Variants in PDE1C observed in about 807,000 individuals in gnomAD.
PDE1C encodes dual specificity calcium/calmodulin-dependent 3',5'-cyclic nucleotide phosphodiesterase 1C.
Under a neutral mutation model 93.1 loss-of-function variants are expected in PDE1C, and 62 were observed. That is an observed-to-expected ratio of 0.67 (90% CI 0.54 to 0.82). The LOEUF (loss-of-function observed/expected upper bound fraction) is 0.82, where lower values mean the gene tolerates loss of function less well. PDE1C is among the 40% of genes least tolerant of loss of function. The pLI, the probability that PDE1C is intolerant of heterozygous loss-of-function variation, is 0.00. For synonymous variants in PDE1C, 325 were observed against 310.1 expected, an observed-to-expected ratio of 1.05 and a Z score of -0.50; for missense variants, 742 against 884.6, an observed-to-expected ratio of 0.84 and a Z score of 2.04.
rs559752133 is a variant in PDE1C at position 32,042,510 on chromosome 7, T to C, written c.128+9044A>G. Among the ~76,000 whole-genome samples the C allele has an allele frequency of 6.6e-5, 10 of 152,216 alleles. No individual in the cohort carries two copies. In the East Asian group the frequency reaches 1.9e-3, roughly 29 times the overall value. Reference sequence around the variant, plus strand: ...TCATTGTGAAGATCAAATGAGAAAATGCATGTAAAGCACCTGGCACACTGT... The same window carrying C: ...TCATTGTGAAGATCAAATGAGAAAACGCATGTAAAGCACCTGGCACACTGT... On this transcript the variant is annotated intron_variant, in intron 2 of 17. Transcript: ENST00000396191.
the PDE1C span, among the ~76,000 whole-genome samples, chr7:31,666,803 T>G: frequency 6.6e-6 from 1 of 152,096 alleles, no homozygotes; most frequent in African/African-American, 2.4e-5. Context: ...CATTTTTTTT[T>G]GTCCTGTATA....
chr7:31,913,451 T>C (rs1801505906), intron 2 of PDE1C, among the ~76,000 whole-genome samples: 1 of 150,264 alleles, frequency 6.7e-6, no homozygotes, highest in East Asian at 1.9e-4. Context: ...ATTTGGGTCA[T>C]GTAGGAAGGG....
intron 1 of PDE1C, among the ~76,000 whole-genome samples, chr7:32,347,776 C>A (rs974781619): frequency 6.6e-6 from 1 of 152,194 alleles, no homozygotes; most frequent in Non-Finnish European, 1.5e-5. Flanking sequence ...GAAACAAAAT[C>A]TGCCAATAAT....
chr7:31,951,224 C>G (rs537260547), intron 2 of PDE1C, among the ~76,000 whole-genome samples: 49 of 152,290 alleles, frequency 3.2e-4, no homozygotes, highest in Middle Eastern at 6.8e-3. Flanking sequence ...GGTGTTAGGG[C>G]TTCAACATGT....
intron 2 of PDE1C, among the ~76,000 whole-genome samples, chr7:32,184,481 T>C (rs1249811427): frequency 6.6e-6 from 1 of 152,172 alleles, no homozygotes; most frequent in East Asian, 1.9e-4. Context: ...TAAAAAAGGA[T>C]GAGTTCATGT....
chr7:31,794,033 TAGATAGATAGACAGACAGACAGAC>T (rs1329530884), intron 16 of PDE1C, among the ~76,000 whole-genome samples: 6 of 105,420 alleles, frequency 5.7e-5, no homozygotes, highest in African/African-American at 1.7e-4. Flanking sequence ...GATAGATAGA[TAGATAGATAGACAGACAGACAGAC>T]AGACAGACAG....
intron 1 of PDE1C, among the ~76,000 whole-genome samples, chr7:32,308,671 G>T (rs1399045086): frequency 6.6e-6 from 1 of 152,258 alleles, no homozygotes; most frequent in Non-Finnish European, 1.5e-5. Context: ...AACTCCAACA[G>T]ACCTGCAGCT....
intron 2 of PDE1C, among the ~76,000 whole-genome samples, chr7:32,178,616 G>A (rs1359232388): frequency 6.6e-6 from 1 of 152,064 alleles, no homozygotes; most frequent in Non-Finnish European, 1.5e-5. Context: ...TGCAGGAGGT[G>A]AGCATCTCCC....
chr7:31,972,634 G>C (rs1457518504), intron 2 of PDE1C, among the ~76,000 whole-genome samples: 1 of 152,050 alleles, frequency 6.6e-6, no homozygotes. Flanking sequence ...CCCAAACCCT[G>C]GATATAACAC....
intron 9 of PDE1C, among the ~76,000 whole-genome samples, chr7:31,842,513 T>C (rs918673820): frequency 6.6e-6 from 1 of 152,090 alleles, no homozygotes; most frequent in Admixed American, 6.6e-5. Context: ...GTGTGAATTT[T>C]GGTAAGTTGT....
At chr7:32,012,328 C>T (rs902715900) in intron 2 of PDE1C, among the ~76,000 whole-genome samples, 6 of 152,028 alleles carry the variant, frequency 3.9e-5, no homozygotes, top group African/African-American at 1.2e-4. Flanking sequence ...GGTGGAGATA[C>T]CAGACTGTTT....
At chr7:32,350,584 ATATATATTTTTT>A in intron 1 of PDE1C, among the ~76,000 whole-genome samples, 1 of 272 alleles carries the variant, frequency 3.7e-3, no homozygotes, top group African/African-American at 4.6e-3. Context: ...ATATATATAT[ATATATATTTTTT>A]TTTTTTTTTT....
chr7:32,302,807 G>A (rs1256339012), upstream of PDE1C, among the ~76,000 whole-genome samples: 1 of 152,076 alleles, frequency 6.6e-6, no homozygotes. Flanking sequence ...TCTCACTAAT[G>A]CATTTCAACC....
intron 2 of PDE1C, among the ~76,000 whole-genome samples, chr7:32,031,417 G>A (rs1224444164): frequency 1.3e-5 from 2 of 152,122 alleles, no homozygotes; most frequent in Non-Finnish European, 2.9e-5. Flanking sequence ...TAGTAGCAGA[G>A]CTGGAATCTA....
At chr7:32,313,366 C>G (rs1039041613) in intron 1 of PDE1C, among the ~76,000 whole-genome samples, 3 of 151,198 alleles carry the variant, frequency 2.0e-5, no homozygotes, top group African/African-American at 4.9e-5. Context: ...GGATCTAGAA[C>G]TAGAAATACC....
the PDE1C span, among the ~76,000 whole-genome samples, chr7:31,631,887 G>A: frequency 5.9e-5 from 9 of 152,172 alleles, no homozygotes; most frequent in Middle Eastern, 3.4e-3. Context: ...GTCTTTCTTC[G>A]GTTTTAGGAT....
In PDE1C at chr7:32,266,010, C is replaced by T. The variant is rs549308945; in HGVS notation, c.85+32641G>A. ...GCAAAGGTGGCCGGGCGCGGTGGCT[C>T]ACGCCTGTAATCCCAGCACTTTGAG... On this transcript the variant is annotated intron_variant, in intron 1 of 18. Coordinates refer to the PDE1C transcript ENST00000396193. 2.5e-5 allele frequency among the ~76,000 whole-genome samples: 3 copies of T among 119,324 alleles called. No individual in the cohort carries two copies. The East Asian group carries it at 6.7e-4, about 27-fold the overall frequency. 78.3% of individuals were successfully genotyped at this position (119,324 alleles called of 152,430 possible). A position where few individuals can be genotyped will look rare whatever the true frequency, so the allele number is the denominator to read the frequency against.
chr7:32,061,360 A>G (rs1412448216), intron 1 of PDE1C, among the ~76,000 whole-genome samples: 3 of 152,252 alleles, frequency 2.0e-5, no homozygotes, highest in Non-Finnish European at 4.4e-5. Context: ...ATGAATGGGC[A>G]GAGGTGGTAC....
chr7:31,827,509 G>T lies in PDE1C; in HGVS notation c.1285+783C>A, dbSNP rs556258209. 2.0e-5 allele frequency among the ~76,000 whole-genome samples: 3 copies of T among 152,104 alleles called. No individual in the cohort carries two copies. The South Asian group carries it at 6.2e-4, about 32-fold the overall frequency. Reference sequence around the variant, plus strand: ...ACTGGTTTAATGTCTTTGAGAGCAGGTACCATATATAATTTGTCTTTGTTC... The same window carrying T: ...ACTGGTTTAATGTCTTTGAGAGCAGTTACCATATATAATTTGTCTTTGTTC... On this transcript the variant is annotated intron_variant, in intron 12 of 17. Coordinates refer to ENST00000396191, the MANE Select transcript of PDE1C (RefSeq NM_001191057.4).
Sources: allele counts gnomAD v4.1 joint callset (sites outside exome capture counted in the v4.1 genomes callset), GRCh38; gene constraint gnomAD v4.1.1; transcripts MANE v1.5; gene names NCBI Gene and HGNC (gene_info 2026-07-23, HGNC 2026-07-21).